The following RCAN2 variants were observed in gnomAD, a reference collection of about 807,000 sequenced individuals.
The protein encoded by RCAN2 is regulator of calcineurin 2.
In RCAN2, 9 loss-of-function variants were observed where a neutral mutation model predicts 23.6. The observed-to-expected ratio is 0.38, with a 90% CI of 0.23 to 0.67. The LOEUF (loss-of-function observed/expected upper bound fraction) is 0.67. RCAN2 is among the 30% of genes least tolerant of loss of function. The pLI, the probability that RCAN2 is intolerant of heterozygous loss-of-function variation, is 0.51. For synonymous variants in RCAN2, 109 were observed against 115.7 expected (o/e 0.94, Z 0.37); for missense variants, 273 against 302.3 (o/e 0.90, Z 0.72).
intron 2 of RCAN2, among the ~76,000 whole-genome samples, chr6:46,281,935 A>T (rs1305102708): frequency 6.6e-6 from 1 of 152,156 alleles, no homozygotes; most frequent in Non-Finnish European, 1.5e-5. Flanking sequence ...TCCATTAACC[A>T]CTGTGCAAAT....
intron 2 of RCAN2, among the ~76,000 whole-genome samples, chr6:46,446,062 C>G (rs939041264): frequency 2.0e-5 from 3 of 150,322 alleles, no homozygotes; most frequent in Admixed American, 6.7e-5. Flanking sequence ...TATCCAGGTA[C>G]AGGAAGGTCT....
intron 2 of RCAN2, among the ~76,000 whole-genome samples, chr6:46,402,086 G>T (rs1766262868): frequency 6.6e-6 from 1 of 152,198 alleles, no homozygotes; most frequent in Admixed American, 6.5e-5. Context: ...TTGGGAAAAT[G>T]AGTAATGTTT....
chr6:46,250,634 C>G (rs1325253752), intron 2 of RCAN2, among the ~76,000 whole-genome samples: 1 of 152,188 alleles, frequency 6.6e-6, no homozygotes, highest in Admixed American at 6.5e-5. Context: ...GTAGCAGAGC[C>G]AGGACCAGGC....
At chr6:46,450,382 T>G (rs1366191890) in intron 2 of RCAN2, among the ~76,000 whole-genome samples, 1 of 152,092 alleles carries the variant, frequency 6.6e-6, no homozygotes, top group Non-Finnish European at 1.5e-5. Flanking sequence ...GAAAACAGTA[T>G]GGAGTTTCCT....
At chr6:46,311,490 G>T (rs1582092274) in intron 2 of RCAN2, among the ~76,000 whole-genome samples, 1 of 152,198 alleles carries the variant, frequency 6.6e-6, no homozygotes, top group South Asian at 2.1e-4. Context: ...TAAGTGAATG[G>T]CAGCAACACA....
intron 2 of RCAN2, among the ~76,000 whole-genome samples, chr6:46,255,922 C>G (rs931801966): frequency 3.1e-4 from 47 of 152,160 alleles, no homozygotes; most frequent in Non-Finnish European, 7.3e-5. Flanking sequence ...GGAGAATAAT[C>G]TGCCTAGCAA....
chr6:46,469,920 T>C (rs1174063991), intron 1 of RCAN2, among the ~76,000 whole-genome samples: 2 of 152,116 alleles, frequency 1.3e-5, no homozygotes, highest in Non-Finnish European at 2.9e-5. Context: ...TTGTGGAGGA[T>C]ACAGCAATAA....
At chr6:46,363,798 C>A (rs966243564) in intron 2 of RCAN2, among the ~76,000 whole-genome samples, 2 of 18,844 alleles carry the variant, frequency 1.1e-4, no homozygotes, top group Non-Finnish European at 2.0e-4. Context: ...TAATGATTCT[C>A]ATGCAAATAA....
At chr6:46,246,676 G>A (rs1002804089) in intron 4 of RCAN2, 72 bp downstream of exon 4, 2 of 1,303,884 alleles carry the variant, frequency 1.5e-6, no homozygotes, top group Non-Finnish European at 2.2e-6. Context: ...AGGATCTCAA[G>A]GTTGTTAATC....
chr6:46,290,417 G>T (rs1762520328), intron 2 of RCAN2, among the ~76,000 whole-genome samples: 1 of 152,106 alleles, frequency 6.6e-6, no homozygotes, highest in African/African-American at 2.4e-5. Context: ...AAACATAATT[G>T]GGATGAAATT....
intron 2 of RCAN2, among the ~76,000 whole-genome samples, chr6:46,279,592 C>A (rs1767833512): frequency 6.6e-6 from 1 of 152,212 alleles, no homozygotes. Context: ...TACATTCCTG[C>A]CTCCGGATCT....
chr6:46,314,143 C>T (rs151181886), intron 2 of RCAN2, among the ~76,000 whole-genome samples: 1 of 152,126 alleles, frequency 6.6e-6, no homozygotes, highest in African/African-American at 2.4e-5. Flanking sequence ...AGGCAGATCA[C>T]TTGAGGCCAG....
chr6:46,348,303 G>C (rs1764548582), intron 2 of RCAN2, among the ~76,000 whole-genome samples: 2 of 152,184 alleles, frequency 1.3e-5, no homozygotes, highest in African/African-American at 4.8e-5. Flanking sequence ...CAACCTCTGT[G>C]ATTTAATTAT....
intron 2 of RCAN2, among the ~76,000 whole-genome samples, chr6:46,257,692 C>T (rs1041242176): frequency 6.6e-6 from 1 of 152,048 alleles, no homozygotes; most frequent in Non-Finnish European, 1.5e-5. Flanking sequence ...GTCCCTCCCT[C>T]GACATGTAGG....
chr6:46,351,734 T>C (rs1461503624), intron 2 of RCAN2, among the ~76,000 whole-genome samples: 1 of 152,232 alleles, frequency 6.6e-6, no homozygotes, highest in Non-Finnish European at 1.5e-5. Context: ...CTGCATGCAG[T>C]CCTAGATGGT....
intron 2 of RCAN2, among the ~76,000 whole-genome samples, chr6:46,455,810 T>C (rs1582216468): frequency 6.8e-6 from 1 of 146,232 alleles, no homozygotes; most frequent in African/African-American, 2.6e-5. Context: ...TGAGCCGAGA[T>C]TGCACCACTG....
chr6:46,262,312 G>A (rs192416812), intron 2 of RCAN2, among the ~76,000 whole-genome samples: 1 of 152,118 alleles, frequency 6.6e-6, no homozygotes, highest in East Asian at 1.9e-4. Context: ...TATGTTCTCT[G>A]GACCTTTCAG....
chr6:46,395,392 GA>G (rs1173314791), intron 2 of RCAN2, among the ~76,000 whole-genome samples: 1 of 152,154 alleles, frequency 6.6e-6, no homozygotes, highest in Non-Finnish European at 1.5e-5. Context: ...ACCAAATGAA[GA>G]AGGTTTCAAC....
intron 2 of RCAN2, among the ~76,000 whole-genome samples, chr6:46,431,909 T>A (rs531431202): frequency 1.3e-5 from 2 of 152,316 alleles, no homozygotes; most frequent in South Asian, 4.1e-4. Flanking sequence ...TGACTTTGTA[T>A]TGGAAACTAC....
Sources: allele counts gnomAD v4.1 joint callset (sites outside exome capture counted in the v4.1 genomes callset), GRCh38; gene constraint gnomAD v4.1.1; transcripts MANE v1.5; gene names NCBI Gene and HGNC (gene_info 2026-07-23, HGNC 2026-07-21).